The following CRYAB variants were observed in gnomAD, a reference collection of about 807,000 sequenced individuals.
CRYAB encodes crystallin alpha B.
Under a neutral mutation model 12.7 loss-of-function variants are expected in CRYAB, and 9 were observed. That is an observed-to-expected ratio of 0.71 (90% CI 0.43 to 1.24). The LOEUF (loss-of-function observed/expected upper bound fraction) is 1.24. CRYAB is among the 50% of genes most tolerant of loss of function. The probability of loss-of-function intolerance (pLI) is 0.00; values close to 1 mark genes in which losing one functional copy is unlikely to be tolerated. For missense variants in CRYAB, 183 were observed against 226.6 expected (o/e 0.81, Z 1.24); for synonymous variants, 93 against 86.8 (o/e 1.07, Z -0.40).
chr11:111,917,846 AAAAG>A (rs1327882082), upstream of CRYAB, among the ~76,000 whole-genome samples: 3 of 152,130 alleles, frequency 2.0e-5, no homozygotes, highest in Non-Finnish European at 2.9e-5. Flanking sequence ...CTTTAAAAAT[AAAAG>A]AAAGAAAGAA....
At chr11:111,914,846 C>G (rs1965572675), upstream of CRYAB, among the ~76,000 whole-genome samples, 1 of 152,122 alleles carries the variant, frequency 6.6e-6, no homozygotes, top group African/African-American at 2.4e-5. Context: ...GAGGCCGAGG[C>G]AGGAGGATCA....
chr11:111,917,603 G>C (rs1167793302), upstream of CRYAB, among the ~76,000 whole-genome samples: 5 of 147,694 alleles, frequency 3.4e-5, no homozygotes, highest in African/African-American at 1.3e-4. Flanking sequence ...AGGAGTTCGA[G>C]ACCAGCCTGG....
chr11:111,921,695 A>G (rs1490734271), intron 1 of CRYAB, among the ~76,000 whole-genome samples: 1 of 152,166 alleles, frequency 6.6e-6, no homozygotes, highest in Non-Finnish European at 1.5e-5. Context: ...ATTACTGATT[A>G]GTTCTCTGAT....
chr11:111,915,643 T>C (rs1197986509), upstream of CRYAB, among the ~76,000 whole-genome samples: 9 of 152,184 alleles, frequency 5.9e-5, no homozygotes, highest in African/African-American at 1.9e-4. Flanking sequence ...TTAGTCCAAA[T>C]CCCCTCTCCA....
At position 111,908,968 on chromosome 11, in the gene CRYAB, C is replaced by T; in HGVS notation, c.325-1G>A. 1.2e-6 allele frequency: 2 copies of T among 1,614,004 alleles called. No homozygotes were observed. The highest frequency in any genetic ancestry group is 1.3e-5 in the African/African-American group (1 of 75,010). On this transcript the variant is annotated splice_acceptor_variant, in intron 2 of 2. Transcript: ENST00000650687. LOFTEE classifies it high-confidence loss of function. ...CCCTGGAGATGAAACCATGTTCATC[C>T]TAACCCAAAAGAATGAGGAAAGAGG...
chr11:111,923,503 T>A (rs1424634758), intron 1 of CRYAB, among the ~76,000 whole-genome samples: 1 of 152,144 alleles, frequency 6.6e-6, no homozygotes, highest in Non-Finnish European at 1.5e-5. Flanking sequence ...GAGTTGGAAA[T>A]GTACTAGCAA....
upstream of CRYAB, chr11:111,913,538 C>T (rs782086590): frequency 4.3e-6 from 7 of 1,614,150 alleles, no homozygotes; most frequent in South Asian, 4.4e-5. Context: ...GGGCAGGGGC[C>T]TCCGAGCTTA....
Position 111,920,276 on chromosome 11 carries a change from C to T in CRYAB, c.-199+3427G>A, listed in dbSNP as rs111627330. On this transcript the variant is annotated intron_variant, in intron 1 of 3. Coordinates refer to the CRYAB transcript ENST00000527950. The stretch of plus-strand genomic sequence containing the variant: ...AGTGGTCGGATGCAGTGACTCACAC[C>T]TGTAATCCTAGCACTTTGGGAGGCT... 2.2e-3 allele frequency among the ~76,000 whole-genome samples: 331 copies of T among 152,062 alleles called. 6 individuals are homozygous for T. Among genetic ancestry groups the T allele is most frequent in the African/African-American group, 7.6e-3 (315 of 41,500 alleles).
upstream of CRYAB, among the ~76,000 whole-genome samples, chr11:111,914,504 G>T (rs1965567026): frequency 1.3e-5 from 2 of 152,138 alleles, no homozygotes; most frequent in Non-Finnish European, 2.9e-5. Context: ...ATGTACTAAG[G>T]TCTGTCCACT....
chr11:111,917,617 A>G (rs1965616882), upstream of CRYAB, among the ~76,000 whole-genome samples: 1 of 151,380 alleles, frequency 6.6e-6, no homozygotes, highest in Admixed American at 6.6e-5. Context: ...AGCCTGGTCC[A>G]CATAACAAGA....
chr11:111,910,222 G>T, intron 2 of CRYAB, 105 bp downstream of exon 2: 1 of 1,389,710 alleles, frequency 7.2e-7, no homozygotes. Flanking sequence ...GACTGTTATG[G>T]CTTGGGACTG....
upstream of CRYAB, chr11:111,913,671 C>T (rs1289696135): frequency 1.2e-6 from 2 of 1,614,032 alleles, no homozygotes; most frequent in East Asian, 2.2e-5. Context: ...GCGCCTGGAC[C>T]GCCACGGCTT....
intron 2 of CRYAB, chr11:111,910,074 T>G: frequency 1.5e-6 from 1 of 649,276 alleles, no homozygotes; most frequent in Non-Finnish European, 2.8e-6. Context: ...AACCACTGGC[T>G]TAAATGGGGC....
Position 111,918,907 on chromosome 11 carries a change from G to C in CRYAB, c.-199+4796C>G, listed in dbSNP as rs1189643595. On this transcript the variant is annotated intron_variant, in intron 1 of 3. Transcript: ENST00000527950. ...GAGCTGCCGCGGAAAGCTCAACCAGGAACCCGGAAATGCACAAGCCTCTTG... is the reference window on the plus strand; with the variant it reads ...GAGCTGCCGCGGAAAGCTCAACCAGCAACCCGGAAATGCACAAGCCTCTTG... 2.4e-5 allele frequency: 38 copies of C among 1,598,482 alleles called. No individual in the cohort carries two copies. The Middle Eastern group carries it at 5.0e-4, about 21-fold the overall frequency.
At position 111,908,722 on chromosome 11, in the gene CRYAB, G is replaced by GA. The variant is rs1965349008; in HGVS notation, c.*41dup. On this transcript the variant is annotated 3_prime_UTR_variant, in exon 3 of 3. Transcript: ENST00000650687. Reference sequence around the variant, plus strand: ...CACAAGACTTTCATTCACTGGTGGGGAAACTTTCTTGTTTTAAAAAATGCA... The same window carrying GA: ...CACAAGACTTTCATTCACTGGTGGGGAAAACTTTCTTGTTTTAAAAAATGCA... 1 of 1,597,170 alleles carries GA rather than the reference G, an allele frequency of 6.3e-7. No homozygotes were observed. Among genetic ancestry groups the GA allele is most frequent in the Non-Finnish European group, 8.6e-7 (1 of 1,166,550 alleles).
intron 1 of CRYAB, among the ~76,000 whole-genome samples, chr11:111,921,875 C>T (rs1965705413): frequency 6.6e-6 from 1 of 151,932 alleles, no homozygotes; most frequent in Admixed American, 6.6e-5. Context: ...CTTTATCTCC[C>T]AGTATGGAGT....
chr11:111,911,989 C>T, upstream of CRYAB: 1 of 474,520 alleles, frequency 2.1e-6, no homozygotes, highest in Admixed American at 3.3e-5. Context: ...GTTTCACTAG[C>T]TTTCTGTCCA....
chr11:111,923,247 T>C (rs1194033940), intron 1 of CRYAB, among the ~76,000 whole-genome samples: 2 of 152,248 alleles, frequency 1.3e-5, no homozygotes, highest in Admixed American at 6.5e-5. Flanking sequence ...GTTTTTCTTC[T>C]GAACCACCTG....
At chr11:111,917,649 A>T (rs1228212768), upstream of CRYAB, among the ~76,000 whole-genome samples, 13 of 142,924 alleles carry the variant, frequency 9.1e-5, no homozygotes, top group Non-Finnish European at 1.9e-4. Context: ...CATTAATTTA[A>T]AAAAAAAAAA....
Sources: allele counts gnomAD v4.1 joint callset (sites outside exome capture counted in the v4.1 genomes callset), GRCh38; gene constraint gnomAD v4.1.1; transcripts MANE v1.5; gene names NCBI Gene and HGNC (gene_info 2026-07-23, HGNC 2026-07-21).